Variants in CTDSPL2 observed in about 807,000 individuals in gnomAD.
CTDSPL2 encodes CTD small phosphatase like 2, also known as CTD small phosphatase-like protein 2.
Under a neutral mutation model 60.0 loss-of-function variants are expected in CTDSPL2, and 5 were observed. That is an observed-to-expected ratio of 0.08 (90% CI 0.04 to 0.18). The LOEUF is 0.18. Among genes scored for constraint, CTDSPL2 ranks in the 10% least tolerant of loss-of-function variants. The pLI, the probability that CTDSPL2 is intolerant of heterozygous loss-of-function variation, is 1.00. For synonymous variants in CTDSPL2, 186 were observed against 189.3 expected (o/e 0.98, Z 0.14); for missense variants, 370 against 548.8 (o/e 0.67, Z 3.26).
intron 1 of CTDSPL2, among the ~76,000 whole-genome samples, chr15:44,450,551 A>G (rs2080312747): frequency 6.8e-6 from 1 of 146,250 alleles, no homozygotes; most frequent in Admixed American, 6.8e-5. Flanking sequence ...TTATCTGTAT[A>G]TTGGAATATG....
At chr15:44,482,698 A>AT (rs1249893571) in intron 2 of CTDSPL2, among the ~76,000 whole-genome samples, 2 of 152,206 alleles carry the variant, frequency 1.3e-5, no homozygotes, top group South Asian at 4.1e-4. Context: ...ATTGTATGCT[A>AT]TTGTAATTTT....
chr15:44,454,788 C>G (rs1371379086), intron 1 of CTDSPL2, among the ~76,000 whole-genome samples: 1 of 152,096 alleles, frequency 6.6e-6, no homozygotes, highest in African/African-American at 2.4e-5. Flanking sequence ...TGGTCTATAT[C>G]TCTGTTTTGG....
At chr15:44,439,159 A>ATTAT (rs2141273419) in intron 1 of CTDSPL2, among the ~76,000 whole-genome samples, 3 of 150,308 alleles carry the variant, frequency 2.0e-5, no homozygotes, top group East Asian at 2.0e-4. Flanking sequence ...TTATTTATTT[A>ATTAT]TTTTTTTAAG....
intron 2 of CTDSPL2, among the ~76,000 whole-genome samples, chr15:44,465,940 C>CTT (rs201191030): frequency 1.5e-5 from 2 of 131,900 alleles, no homozygotes. Context: ...GTCTTGAACT[C>CTT]TTTTTTTTTT....
At chr15:44,524,024 T>A in intron 12 of CTDSPL2, 85 bp from the exon 13 acceptor site, 12 of 1,044,282 alleles carry the variant, frequency 1.1e-5, no homozygotes, top group Non-Finnish European at 1.8e-5. Flanking sequence ...CTGGTATGTT[T>A]TCTCTGCAAG....
Position 44,525,595 on chromosome 15 carries a change from TGGAAATTAAA to T in CTDSPL2, c.*1424_*1433del, listed in dbSNP as rs2081859492. ...TATGCTTGTTAAGAAAGTACAGTAT[TGGAAATTAAA>T]GGTGGACAACTGATAATTGAGGAGT... On this transcript the variant is annotated 3_prime_UTR_variant, in exon 13 of 13. Coordinates refer to ENST00000260327, the MANE Select transcript of CTDSPL2 (RefSeq NM_016396.3). The T allele has an allele frequency of 2.8e-5, 11 of 397,920 alleles. No homozygotes were observed. In the South Asian group the frequency reaches 6.6e-4, roughly 24 times the overall value. The allele number at this position is 397,920 out of a possible 1,614,324, so 24.6% of individuals were successfully genotyped here. A position where few individuals can be genotyped will look rare whatever the true frequency, so the allele number is the denominator to read the frequency against.
intron 1 of CTDSPL2, among the ~76,000 whole-genome samples, chr15:44,451,760 A>G (rs997868596): frequency 6.6e-6 from 1 of 152,232 alleles, no homozygotes; most frequent in Admixed American, 6.5e-5. Flanking sequence ...AAAAAAATCT[A>G]TGAAATTTAT....
chr15:44,505,787 A>C (rs2081451449), intron 8 of CTDSPL2, among the ~76,000 whole-genome samples: 1 of 151,294 alleles, frequency 6.6e-6, no homozygotes, highest in Non-Finnish European at 1.5e-5. Flanking sequence ...GAAAGTTCTT[A>C]TTTAATGGCT....
chr15:44,430,037 T>C (rs2079825503), intron 1 of CTDSPL2, among the ~76,000 whole-genome samples: 1 of 152,240 alleles, frequency 6.6e-6, no homozygotes, highest in African/African-American at 2.4e-5. Flanking sequence ...GTAATGTTAC[T>C]GTTTTCCCAC....
intron 2 of CTDSPL2, among the ~76,000 whole-genome samples, chr15:44,468,544 C>T (rs2080741743): frequency 6.6e-6 from 1 of 152,100 alleles, no homozygotes; most frequent in Non-Finnish European, 1.5e-5. Context: ...TTTACTTTTA[C>T]TTTTGTAGCT....
chr15:44,443,561 A>T (rs2080137083), intron 1 of CTDSPL2, among the ~76,000 whole-genome samples: 1 of 152,124 alleles, frequency 6.6e-6, no homozygotes, highest in South Asian at 2.1e-4. Context: ...CTTGCCGGCA[A>T]TTTTTATTTT....
chr15:44,469,992 G>C (rs2080771688), intron 2 of CTDSPL2, among the ~76,000 whole-genome samples: 1 of 151,600 alleles, frequency 6.6e-6, no homozygotes. Context: ...CAGCTACTTG[G>C]GAGGCTGAGG....
intron 2 of CTDSPL2, among the ~76,000 whole-genome samples, chr15:44,462,720 T>C (rs1054264430): frequency 2.7e-5 from 4 of 146,344 alleles, no homozygotes; most frequent in Non-Finnish European, 4.5e-5. Flanking sequence ...TTTTTTTTTT[T>C]TTTTGAGACG....
At chr15:44,474,594 G>C (rs982444541) in intron 2 of CTDSPL2, among the ~76,000 whole-genome samples, 1 of 152,162 alleles carries the variant, frequency 6.6e-6, no homozygotes, top group African/African-American at 2.4e-5. Context: ...GGTGGCTCAC[G>C]CCTGTAATTC....
intron 1 of CTDSPL2, among the ~76,000 whole-genome samples, chr15:44,440,634 A>G (rs2080066116): frequency 6.6e-6 from 1 of 152,090 alleles, no homozygotes; most frequent in African/African-American, 2.4e-5. Flanking sequence ...TCATCTTTGC[A>G]AAAAATTTAA....
At chr15:44,489,547 G>T (rs2081182147) in intron 4 of CTDSPL2, among the ~76,000 whole-genome samples, 1 of 152,136 alleles carries the variant, frequency 6.6e-6, no homozygotes, top group Non-Finnish European at 1.5e-5. Flanking sequence ...AGAATTTTAG[G>T]CTTCAGAGGT....
chr15:44,458,663 C>T (rs1437984774), intron 1 of CTDSPL2, among the ~76,000 whole-genome samples: 3 of 152,122 alleles, frequency 2.0e-5, no homozygotes, highest in South Asian at 4.1e-4. Flanking sequence ...GTCGAACGAA[C>T]GATTAAACGA....
At chr15:44,497,452 G>A (rs2081319601) in intron 7 of CTDSPL2, among the ~76,000 whole-genome samples, 1 of 152,038 alleles carries the variant, frequency 6.6e-6, no homozygotes, top group African/African-American at 2.4e-5. Flanking sequence ...TGCAAGCTCC[G>A]CCTCCCGGGT....
rs1418029470 is a variant in CTDSPL2 at position 44,486,635 on chromosome 15, G to C, written c.410G>C (p.Arg137Thr). 3 of 1,594,340 alleles carry C rather than the reference G, an allele frequency of 1.9e-6. No homozygotes were observed. The African/African-American group carries it at 4.1e-5, about 22-fold the overall frequency. ...AATCCTTCCTCTGGCAGTCCTCCAA[G>C]GACTACTTTGTTGGGGACCATATTT... ...EDNPSSGSPP[R>T]TTLLGTIFSP... The change falls in exon 4 of 13, where the codon AGG becomes ACG. Residue 137 changes from arginine to threonine, a missense_variant. By Grantham distance (71) the Arg-to-Thr change is moderately conservative. Transcript: ENST00000260327.
Sources: allele counts gnomAD v4.1 joint callset (sites outside exome capture counted in the v4.1 genomes callset), GRCh38; gene constraint gnomAD v4.1.1; transcripts MANE v1.5; gene names NCBI Gene and HGNC (gene_info 2026-07-23, HGNC 2026-07-21).